The following CHD5 variants were observed in gnomAD, a reference collection of about 807,000 sequenced individuals.
The protein encoded by CHD5 is chromodomain helicase DNA binding protein 5.
A neutral mutation model predicts 230.3 loss-of-function variants in CHD5; 69 were observed. The observed-to-expected ratio is 0.30, with a 90% CI of 0.25 to 0.37. CHD5 has a LOEUF of 0.37. Ranked by LOEUF, CHD5 falls within the 10% of genes least tolerant of loss-of-function variation. The pLI is 1.00. For synonymous variants in CHD5, 1,064 were observed against 1,065.9 expected (o/e 1.00, Z 0.03); for missense variants, 1,827 against 2,622.8 (o/e 0.70, Z 6.63).
At chr1:6,170,457 C>T (rs997600475) in intron 1 of CHD5, among the ~76,000 whole-genome samples, 1 of 152,158 alleles carries the variant, frequency 6.6e-6, no homozygotes, top group Non-Finnish European at 1.5e-5. Flanking sequence ...GCTGAGCGGA[C>T]GCCCCTCCCA....
At chr1:6,174,555 C>CTGGACGGATGGCGGATGGGTGGATAG (rs1667390387) in intron 1 of CHD5, among the ~76,000 whole-genome samples, 1 of 125,162 alleles carries the variant, frequency 8.0e-6, no homozygotes, top group African/African-American at 3.3e-5. Flanking sequence ...TGGATGGACA[C>CTGGACGGATGGCGGATGGGTGGATAG]TGGACGGATG....
chr1:6,117,643 C>A (rs776400959), intron 33 of CHD5, among the ~76,000 whole-genome samples: 15 of 152,328 alleles, frequency 9.8e-5, no homozygotes, highest in Non-Finnish European at 1.5e-4. Flanking sequence ...AAGGACATTT[C>A]TTCAACAAAT....
In CHD5 at chr1:6,128,196, G is replaced by A; in HGVS notation, c.3753C>T (p.Asp1251=). The change falls in exon 25 of 42, where the codon GAC becomes GAT. Residue 1251 remains aspartate, a synonymous_variant. Coordinates refer to ENST00000262450, the MANE Select transcript of CHD5 (RefSeq NM_015557.3). The surrounding 1 kb of genome is among the most constrained non-coding windows in gnomAD (Gnocchi z 7.8). ...TPPGDNKDVE[D]SSVIHYDDAA... Reference sequence around the variant, plus strand: ...CATCGTCATAGTGGATCACACTGCTGTCCTCCACGTCCTTGTTGTCACCTG... The same window carrying A: ...CATCGTCATAGTGGATCACACTGCTATCCTCCACGTCCTTGTTGTCACCTG... 1.2e-6 allele frequency: 2 copies of A among 1,614,144 alleles called. No individual in the cohort carries two copies. The highest frequency in any genetic ancestry group is 8.5e-7 in the Non-Finnish European group (1 of 1,180,012).
intron 13 of CHD5, 80 bp downstream of exon 13, chr1:6,143,734 TTTGAGAACA>T (rs1666866740): frequency 2.5e-6 from 3 of 1,197,340 alleles, no homozygotes; most frequent in Non-Finnish European, 3.7e-6. Context: ...GAAACATCCT[TTTGAGAACA>T]CACACCCCCT....
chr1:6,146,982 C>T lies in CHD5; in HGVS notation c.1384-111G>A. 1 of 825,124 alleles carries T rather than the reference C, an allele frequency of 1.2e-6. No homozygotes were observed. Among genetic ancestry groups the T allele is most frequent in the South Asian group, 1.8e-5 (1 of 54,844 alleles). 51.1% of individuals were successfully genotyped at this position (825,124 alleles called of 1,614,324 possible). A position where few individuals can be genotyped will look rare whatever the true frequency, so the allele number is the denominator to read the frequency against. ...CTCCCTCCCATCAGTGCCACTGCCC[C>T]CAAGTCAGAACAGTACCACGGTGAC... On this transcript the variant is annotated intron_variant, in intron 9 of 41. Coordinates refer to ENST00000262450, the MANE Select transcript of CHD5 (RefSeq NM_015557.3). This position sits in a 1 kb window ranked among gnomAD's most constrained non-coding sequence, Gnocchi z 5.1.
At chr1:6,119,619 C>A (rs1666433204) in intron 33 of CHD5, among the ~76,000 whole-genome samples, 1 of 151,862 alleles carries the variant, frequency 6.6e-6, no homozygotes, top group Admixed American at 6.6e-5. Context: ...ACTGACTGAT[C>A]AAAGCAAACC....
At chr1:6,152,348 G>A (rs746122) in intron 6 of CHD5, 64 bp downstream of exon 6, 118,671 of 1,556,338 alleles carry the variant, frequency 0.076, 5,200 homozygotes, top group African/African-American at 0.14. Context: ...TGGCCCTTGC[G>A]TGCTCATGTG....
intron 1 of CHD5, among the ~76,000 whole-genome samples, chr1:6,169,297 A>T (rs1352815149): frequency 6.6e-6 from 1 of 152,224 alleles, no homozygotes; most frequent in Non-Finnish European, 1.5e-5. Flanking sequence ...GGCACTAGAA[A>T]GCTGTGACAG....
Position 6,102,121 on chromosome 1 carries a change from C to G in CHD5, c.*3353G>C. 6.0e-6 allele frequency: 2 copies of G among 335,032 alleles called. No individual in the cohort carries two copies. The highest frequency in any genetic ancestry group is 1.2e-5 in the Non-Finnish European group (2 of 166,208). The allele number at this position is 335,032 out of a possible 1,614,324, so 20.8% of individuals were successfully genotyped here. On this transcript the variant is annotated 3_prime_UTR_variant, in exon 42 of 42. Coordinates refer to ENST00000262450, the MANE Select transcript of CHD5 (RefSeq NM_015557.3). Reference sequence around the variant, plus strand: ...TCCACACCCCTGAACTCAGACCCCACGGGCCAGTGGGGACCCTCCCTTCCT... The same window carrying G: ...TCCACACCCCTGAACTCAGACCCCAGGGGCCAGTGGGGACCCTCCCTTCCT...
chr1:6,170,224 C>T (rs550649745), intron 1 of CHD5, among the ~76,000 whole-genome samples: 1 of 152,278 alleles, frequency 6.6e-6, no homozygotes, highest in East Asian at 1.9e-4. Flanking sequence ...CTCAGACACA[C>T]TCGCCACATG....
At chr1:6,148,205 AG>A (rs974413491) in intron 9 of CHD5, among the ~76,000 whole-genome samples, 1 of 152,126 alleles carries the variant, frequency 6.6e-6, no homozygotes, top group African/African-American at 2.4e-5. Context: ...CTGGCACCAC[AG>A]GGGGCAGGAC....
chr1:6,113,748 G>C (rs1276996389), intron 33 of CHD5, among the ~76,000 whole-genome samples: 1 of 152,212 alleles, frequency 6.6e-6, no homozygotes, highest in Non-Finnish European at 1.5e-5. Flanking sequence ...ACAGGATCAA[G>C]GAAAAGAAGG....
intron 17 of CHD5, 32 bp from the exon 18 acceptor site, chr1:6,135,435 G>A (rs1383031476): frequency 3.8e-6 from 6 of 1,573,588 alleles, no homozygotes; most frequent in African/African-American, 2.7e-5. Context: ...ACAGCCAGGA[G>A]CAGAGGACCG....
At position 6,180,180 on chromosome 1, in the gene CHD5, C is replaced by G. The variant is rs1161203589; in HGVS notation, c.-157G>C. The G allele has an allele frequency of 5.8e-6, 1 of 173,178 alleles. No individual in the cohort carries two copies. The highest frequency in any genetic ancestry group is 2.7e-5 in the African/African-American group (1 of 36,770). 10.7% of individuals were successfully genotyped at this position (173,178 alleles called of 1,614,324 possible). A position where few individuals can be genotyped will look rare whatever the true frequency, so the allele number is the denominator to read the frequency against. On this transcript the variant is annotated 5_prime_UTR_variant, in exon 1 of 42. Coordinates refer to ENST00000262450, the MANE Select transcript of CHD5 (RefSeq NM_015557.3). ...GCCCCCCCACCCCCCCAAACCTCCACCCCCCCGTCTCGACCCCCCTTTCTC... is the reference window on the plus strand; with the variant it reads ...GCCCCCCCACCCCCCCAAACCTCCAGCCCCCCGTCTCGACCCCCCTTTCTC...
At chr1:6,160,202 AGCCCTAGCCAGGGAAGG>A (rs1667149407) in intron 2 of CHD5, among the ~76,000 whole-genome samples, 1 of 80,062 alleles carries the variant, frequency 1.2e-5, no homozygotes, top group African/African-American at 7.1e-5. Context: ...AGAGAAGAAG[AGCCCTAGCCAGGGAAGG>A]GCCCCAGCCA....
rs1474450361 is a variant in CHD5, at chr1:6,146,746, C to T, written c.1509G>A (p.Leu503=). The change falls in exon 10 of 42, where the codon CTG becomes CTA. Residue 503 remains leucine, a synonymous_variant. Coordinates refer to ENST00000262450, the MANE Select transcript of CHD5 (RefSeq NM_015557.3). This position sits in a 1 kb window ranked among gnomAD's most constrained non-coding sequence, Gnocchi z 5.1. ...VEPSLPPPKP[L]EGIPEREFFV... is the part of the protein sequence containing the mutation. ...AGAACTCTCTCTCAGGGATGCCCTC[C>T]AGGGGCTTAGGTGGAGGGAGGCTGG... 1 of 1,612,338 alleles carries T rather than the reference C, an allele frequency of 6.2e-7. No homozygotes were observed. Among genetic ancestry groups the T allele is most frequent in the East Asian group, 2.2e-5 (1 of 44,868 alleles).
At chr1:6,122,734 C>T (rs549873631) in intron 31 of CHD5, among the ~76,000 whole-genome samples, 1 of 152,288 alleles carries the variant, frequency 6.6e-6, no homozygotes, top group Non-Finnish European at 1.5e-5. Context: ...CAAAATCTAT[C>T]GACAGCGCAA....
Position 6,143,061 on chromosome 1 carries a change from CTT to C in CHD5, c.2044-458_2044-457del, listed in dbSNP as rs5772221. Among the ~76,000 whole-genome samples, 343 of 148,568 alleles carry C rather than the reference CTT, an allele frequency of 2.3e-3. 3 individuals are homozygous for C. Among genetic ancestry groups the C allele is most frequent in the African/African-American group, 7.0e-3 (286 of 40,580 alleles). On this transcript the variant is annotated intron_variant, in intron 13 of 41. Transcript: ENST00000262450. ...CTCCTCCACTGGATCCAGACATTTA[CTT>C]TTTTTTTTTTTGAGACAGAGTCTTT...
chr1:6,151,234 C>T, intron 6 of CHD5, 79 bp from the exon 7 acceptor site: 1 of 1,473,936 alleles, frequency 6.8e-7, no homozygotes, highest in Non-Finnish European at 9.1e-7. Context: ...TGGGGTGGGA[C>T]AAAGCACGGA....
Sources: allele counts gnomAD v4.1 joint callset (sites outside exome capture counted in the v4.1 genomes callset), GRCh38; gene constraint gnomAD v4.1.1; non-coding constraint Gnocchi (gnomAD v3.1); transcripts MANE v1.5; gene names NCBI Gene and HGNC (gene_info 2026-07-23, HGNC 2026-07-21).